The following ASAH1 variants were observed in gnomAD, a reference collection of about 807,000 sequenced individuals.
The protein encoded by ASAH1 is N-acylsphingosine amidohydrolase 1.
A neutral mutation model predicts 59.5 loss-of-function variants in ASAH1; 70 were observed. The observed-to-expected ratio is 1.18, with a 90% CI of 0.97 to 1.43. ASAH1 has a LOEUF of 1.43. Among genes scored for constraint, ASAH1 ranks in the 40% most tolerant of loss-of-function variants. The pLI, the probability that ASAH1 is intolerant of heterozygous loss-of-function variation, is 0.00. For synonymous variants in ASAH1, 213 were observed against 166.5 expected, an observed-to-expected ratio of 1.28 and a Z score of -2.15; for missense variants, 660 against 482.5, an observed-to-expected ratio of 1.37 and a Z score of -3.45.
At chr8:18,062,162 G>A in intron 8 of ASAH1, 117 bp downstream of exon 8, 7 of 1,347,568 alleles carry the variant, frequency 5.2e-6, no homozygotes, top group Non-Finnish European at 7.4e-6. Flanking sequence ...AAGTACAAGG[G>A]GGTGAAATGG....
chr8:18,075,561 G>A lies in ASAH1; in HGVS notation c.105C>T (p.Thr35=), dbSNP rs373430291. 5.0e-6 allele frequency: 8 copies of A among 1,614,008 alleles called. No homozygotes were observed. The African/African-American group carries it at 9.3e-5, about 19-fold the overall frequency. Residue 35 remains threonine, a synonymous_variant, in exon 2 of 14, where the codon ACC becomes ACT. Coordinates refer to ENST00000637790, the MANE Select transcript of ASAH1 (RefSeq NM_177924.5). ...PPWTEDCRKS[T]YPPSGPTYRG... is the part of the protein sequence containing the mutation. ...CTCACGTTGGTCCTGAAGGAGGATA[G>A]GTTGATTTTCTGCAGTCCTCTGTCC... is the stretch of plus-strand genomic sequence containing the variant.
chr8:18,075,400 T>A (rs889904843), intron 2 of ASAH1, 141 bp downstream of exon 2: 2 of 929,922 alleles, frequency 2.2e-6, no homozygotes, highest in African/African-American at 3.2e-5. Context: ...AATAAACAAA[T>A]CTGAGAAACA....
At position 18,064,661 on chromosome 8, in the gene ASAH1, G is replaced by C. The variant is rs1799857776; in HGVS notation, c.383-130C>G. On this transcript the variant is annotated intron_variant, in intron 5 of 13. Coordinates refer to ENST00000637790, the MANE Select transcript of ASAH1 (RefSeq NM_177924.5). ...TTGGCCAGTGGGGCTGTGCTGGAACGGCCGGCTGGAGGTGGTTTTCTTCCC... is the reference window on the plus strand; with the variant it reads ...TTGGCCAGTGGGGCTGTGCTGGAACCGCCGGCTGGAGGTGGTTTTCTTCCC... 9 of 647,996 alleles carry C rather than the reference G, an allele frequency of 1.4e-5. No individual in the cohort carries two copies. The South Asian group carries it at 1.5e-4, about 11-fold the overall frequency. The allele number at this position is 647,996 out of a possible 1,614,324, so 40.1% of individuals were successfully genotyped here.
chr8:18,059,955 G>A (rs1799624429), intron 10 of ASAH1: 5 of 398,140 alleles, frequency 1.3e-5, no homozygotes, highest in Admixed American at 3.7e-5. Flanking sequence ...GACAGGCCCT[G>A]GTGCGTGATG....
At position 18,067,226 on chromosome 8, in the gene ASAH1, G is replaced by T. The variant is rs199785411; in HGVS notation, c.376C>A (p.Pro126Thr). 2.2e-4 allele frequency: 344 copies of T among 1,591,382 alleles called. No homozygotes were observed. Among genetic ancestry groups the T allele is most frequent in the Non-Finnish European group, 2.6e-4 (300 of 1,166,322 alleles). The change falls in exon 5 of 14, where the codon CCT becomes ACT. Residue 126 changes from proline to threonine, a missense_variant. By Grantham distance (38) the Pro-to-Thr change is conservative (BLOSUM62 -1). Coordinates refer to ENST00000637790, the MANE Select transcript of ASAH1 (RefSeq NM_177924.5). Reference protein sequence around the residue: ...MKGIAAVTDIPLGEIISFNIF... With the variant: ...MKGIAAVTDITLGEIISFNIF... The stretch of plus-strand genomic sequence containing the variant: ...GCTTCTAAGTGAACTTTACCTAAAG[G>T]TATATCAGTAACAGCGGCAATACCC...
At chr8:18,079,720 A>T (rs184785605) in intron 1 of ASAH1, among the ~76,000 whole-genome samples, 1 of 152,360 alleles carries the variant, frequency 6.6e-6, no homozygotes, top group Admixed American at 6.5e-5. Context: ...AAACAACTCT[A>T]GCCAGACAAT....
chr8:18,060,700 C>T (rs1175039611), intron 10 of ASAH1: 1 of 152,176 alleles, frequency 6.6e-6, no homozygotes, highest in Non-Finnish European at 1.5e-5. Context: ...GATTTCTATA[C>T]CAAGGCAAGA....
At position 18,057,604 on chromosome 8, in the gene ASAH1, A is replaced by C. The variant is rs1318749093; in HGVS notation, c.1118T>G (p.Leu373Trp). Residue 373 changes from leucine (L) to tryptophan (W), a missense_variant, in exon 14 of 14, where the codon TTG (leucine) becomes TGG (tryptophan). Leu to Trp is a moderately conservative substitution (Grantham distance 61). Transcript: ENST00000637790. ...GAATTGACCTTTGGTAACATCTATC[A>C]AGGTTGTGTATACGGTCAGCTGAAA... The part of the protein sequence containing the change: ...VLNKLTVYTT[L>W]IDVTKGQFET... 6.2e-7 allele frequency: 1 copy of C among 1,602,690 alleles called. No homozygotes were observed. The highest frequency in any genetic ancestry group is 8.5e-7 in the Non-Finnish European group (1 of 1,172,610).
chr8:18,066,306 A>G (rs192598796), intron 5 of ASAH1: 1 of 152,132 alleles, frequency 6.6e-6, no homozygotes, highest in Admixed American at 6.5e-5. Flanking sequence ...AGATATTCAG[A>G]ATCCATATAT....
chr8:18,084,454 C>G (rs777860314), upstream of ASAH1: 787 of 1,345,294 alleles, frequency 5.9e-4, no homozygotes, highest in Non-Finnish European at 7.4e-4. Flanking sequence ...GCAGCCTGTC[C>G]CGCGTACCCA....
intron 1 of ASAH1, among the ~76,000 whole-genome samples, chr8:18,078,621 G>A (rs931710733): frequency 1.3e-5 from 2 of 152,090 alleles, no homozygotes; most frequent in African/African-American, 4.8e-5. Context: ...CAAAACCCAC[G>A]AGTAGCCCTA....
chr8:18,062,235 G>A (rs1799733195), intron 8 of ASAH1, 44 bp downstream of exon 8: 3 of 1,612,916 alleles, frequency 1.9e-6, no homozygotes, highest in South Asian at 2.2e-5. Flanking sequence ...ACGGTAACAG[G>A]ACAGAAGGCT....
chr8:18,081,533 A>C (rs898323152), intron 1 of ASAH1, among the ~76,000 whole-genome samples: 21 of 152,318 alleles, frequency 1.4e-4, no homozygotes, highest in African/African-American at 4.6e-4. Flanking sequence ...ATCTGGCGCT[A>C]TCTCTCCAGA....
chr8:18,078,434 T>C (rs1234658070), intron 1 of ASAH1, among the ~76,000 whole-genome samples: 4 of 151,970 alleles, frequency 2.6e-5, no homozygotes, highest in Admixed American at 1.3e-4. Flanking sequence ...TGCAAGGAAA[T>C]AGGATAAGTG....
chr8:18,063,511 G>C (rs1326649571), intron 6 of ASAH1: 1 of 329,114 alleles, frequency 3.0e-6, no homozygotes, highest in African/African-American at 2.2e-5. Flanking sequence ...TAGAGAAGGG[G>C]TTTTACCATG....
intron 4 of ASAH1, chr8:18,068,363 C>A (rs754256470): frequency 1.3e-5 from 2 of 152,252 alleles, no homozygotes; most frequent in South Asian, 4.1e-4. Flanking sequence ...TTAAGGCATA[C>A]GGGGAACGTG....
At position 18,082,887 on chromosome 8, in the gene ASAH1, C is replaced by T. The variant is rs552758115; in HGVS notation, c.78+1094G>A. On this transcript the variant is annotated intron_variant, in intron 1 of 13. Transcript: ENST00000637790. ...AACTACCGTCAAGCAAATTAATTCC[C>T]TACCCACAATGGAGCAATTTTATTT... Among the ~76,000 whole-genome samples, 256 of 151,672 alleles carry T rather than the reference C, an allele frequency of 1.7e-3. 2 individuals are homozygous for T. The highest frequency in any genetic ancestry group is 5.9e-3 in the African/African-American group (244 of 41,066).
chr8:18,084,750 A>G, upstream of ASAH1: 1 of 1,613,786 alleles, frequency 6.2e-7, no homozygotes, highest in Non-Finnish European at 8.5e-7. Context: ...CTTGGGTAGG[A>G]GGCCCGGTGG....
At chr8:18,069,910 C>T (rs761633221) in intron 3 of ASAH1, 32 bp from the exon 4 acceptor site, 1 of 1,451,416 alleles carries the variant, frequency 6.9e-7, no homozygotes, top group Non-Finnish European at 9.6e-7. Flanking sequence ...TACTAAAAGA[C>T]ATAATGAAAT....
Sources: allele counts gnomAD v4.1 joint callset (sites outside exome capture counted in the v4.1 genomes callset), GRCh38; gene constraint gnomAD v4.1.1; transcripts MANE v1.5; gene names NCBI Gene and HGNC (gene_info 2026-07-23, HGNC 2026-07-21).